The following CPLX4 variants were observed in gnomAD, a reference collection of about 807,000 sequenced individuals.
The protein encoded by CPLX4 is complexin 4.
CPLX4 carries 17 observed loss-of-function variants against 16.1 expected under a neutral mutation model. That is an observed-to-expected ratio of 1.06 (90% CI 0.72 to 1.59). The LOEUF (loss-of-function observed/expected upper bound fraction) is 1.59, where lower values mean the gene tolerates loss of function less well. Ranked by LOEUF, CPLX4 falls within the 40% of genes most tolerant of loss-of-function variation. CPLX4 has a pLI of 0.00. For missense variants in CPLX4, 193 were observed against 192.9 expected, an observed-to-expected ratio of 1.00 and a Z score of 0.00; for synonymous variants, 55 against 57.8, an observed-to-expected ratio of 0.95 and a Z score of 0.22.
intron 2 of CPLX4, among the ~76,000 whole-genome samples, chr18:59,312,132 C>T (rs562728124): frequency 1.3e-5 from 2 of 152,206 alleles, no homozygotes; most frequent in East Asian, 3.9e-4. Context: ...TTAATACATG[C>T]CAAGGTACTG....
At chr18:59,299,878 C>T (rs1436316956) in intron 2 of CPLX4, among the ~76,000 whole-genome samples, 2 of 152,222 alleles carry the variant, frequency 1.3e-5, no homozygotes, top group African/African-American at 4.8e-5. Context: ...GGGCTCGGGC[C>T]TCGCAATCTG....
rs757036745 is a variant in CPLX4 at position 59,318,645 on chromosome 18, A to C, written c.-183T>G. The C allele has an allele frequency of 1.4e-5, 16 of 1,155,834 alleles. No individual in the cohort carries two copies. Among genetic ancestry groups the C allele is most frequent in the Non-Finnish European group, 1.7e-5 (15 of 861,852 alleles). 71.6% of individuals were successfully genotyped at this position (1,155,834 alleles called of 1,614,324 possible). The stretch of plus-strand genomic sequence containing the variant: ...TAGAGAAGAGTGGTTTGTCGGCCGT[A>C]AGCTGGATTAAAGTGGTGAACTCCT... On this transcript the variant is annotated 5_prime_UTR_variant, in exon 1 of 3. Coordinates refer to ENST00000299721, the MANE Select transcript of CPLX4 (RefSeq NM_181654.4).
chr18:59,309,868 A>C (rs2070605339), intron 2 of CPLX4, among the ~76,000 whole-genome samples: 1 of 151,764 alleles, frequency 6.6e-6, no homozygotes, highest in Admixed American at 6.6e-5. Flanking sequence ...AGTAGAAAGA[A>C]CAAATGCCTT....
intron 2 of CPLX4, among the ~76,000 whole-genome samples, chr18:59,303,908 C>T (rs2070558246): frequency 6.6e-6 from 1 of 152,166 alleles, no homozygotes; most frequent in Admixed American, 6.5e-5. Flanking sequence ...TGATGGCCTT[C>T]CCACCGCCTG....
chr18:59,305,398 C>T (rs759885539), intron 2 of CPLX4, among the ~76,000 whole-genome samples: 3 of 152,068 alleles, frequency 2.0e-5, no homozygotes, highest in Non-Finnish European at 4.4e-5. Flanking sequence ...AGGAAAGAAA[C>T]AGGATCAGAT....
chr18:59,306,840 T>G lies in CPLX4; in HGVS notation c.255+5845A>C, dbSNP rs536698397. On this transcript the variant is annotated intron_variant, in intron 2 of 2. Coordinates refer to ENST00000299721, the MANE Select transcript of CPLX4 (RefSeq NM_181654.4). ...GGTGGTGACCCTGGGGAATTGTGAA[T>G]GAGGCACCCAGGGGGTCATCCCTCA... is the stretch of plus-strand genomic sequence containing the variant. Among the ~76,000 whole-genome samples the G allele has an allele frequency of 1.0e-3, 153 of 152,332 alleles. 1 individual carries two copies. Among genetic ancestry groups the G allele is most frequent in the South Asian group, 5.6e-3 (27 of 4,832 alleles).
chr18:59,310,806 TA>T (rs2070611516), intron 2 of CPLX4, among the ~76,000 whole-genome samples: 2 of 152,142 alleles, frequency 1.3e-5, no homozygotes, highest in African/African-American at 4.8e-5. Context: ...GAGACTCAGA[TA>T]TTTTTAAAAA....
At position 59,314,797 on chromosome 18, in the gene CPLX4, AC is replaced by A. The variant is rs546920217; in HGVS notation, c.168-2026del. Among the ~76,000 whole-genome samples, 1,382 of 152,262 alleles carry A rather than the reference AC, an allele frequency of 9.1e-3. 29 individuals carry two copies. The highest frequency in any genetic ancestry group is 0.031 in the African/African-American group (1,306 of 41,538). On this transcript the variant is annotated intron_variant, in intron 1 of 2. Transcript: ENST00000299721. ...AGGCTTCTTTCACTCAGCATAAAAT[AC>A]TTTCGAGATTTAACCTTGTTGTTTT...
chr18:59,311,329 G>T (rs1162470294), intron 2 of CPLX4, among the ~76,000 whole-genome samples: 2 of 152,134 alleles, frequency 1.3e-5, no homozygotes, highest in Non-Finnish European at 2.9e-5. Flanking sequence ...ATTTTATTGT[G>T]GGTTTTCCTT....
chr18:59,309,067 T>C (rs2070598232), intron 2 of CPLX4, among the ~76,000 whole-genome samples: 1 of 152,246 alleles, frequency 6.6e-6, no homozygotes, highest in Admixed American at 6.5e-5. Context: ...TTTAAACTGC[T>C]CCTTGCAGAG....
intron 1 of CPLX4, among the ~76,000 whole-genome samples, 160 bp from the exon 2 acceptor site, chr18:59,312,932 C>T (rs954691474): frequency 3.9e-5 from 6 of 152,090 alleles, no homozygotes; most frequent in Admixed American, 2.6e-4. Context: ...CAAACGTCTG[C>T]CTCTCTGTTT....
chr18:59,316,770 A>G (rs1417195704), intron 1 of CPLX4, among the ~76,000 whole-genome samples: 1 of 152,200 alleles, frequency 6.6e-6, no homozygotes, highest in Non-Finnish European at 1.5e-5. Flanking sequence ...AGTTAATCAA[A>G]TAGATGCCTT....
At chr18:59,297,680 T>C (rs994988865) in intron 2 of CPLX4, among the ~76,000 whole-genome samples, 2 of 152,236 alleles carry the variant, frequency 1.3e-5, no homozygotes, top group Non-Finnish European at 2.9e-5. Context: ...TTTGCAAGTC[T>C]TGCAGATTCT....
intron 2 of CPLX4, among the ~76,000 whole-genome samples, chr18:59,309,938 G>T (rs2070605805): frequency 6.6e-6 from 1 of 152,098 alleles, no homozygotes; most frequent in South Asian, 2.1e-4. Context: ...CATGGTTGTG[G>T]GGCCTGAGTT....
chr18:59,306,213 GA>G (rs758163615), intron 2 of CPLX4, among the ~76,000 whole-genome samples: 2 of 152,208 alleles, frequency 1.3e-5, no homozygotes, highest in Non-Finnish European at 2.9e-5. Context: ...AGGAGAAACT[GA>G]AGATACAGGA....
Position 59,304,924 on chromosome 18 carries a change from AGTGTGTGTGTGTGTGTGTGT to A in CPLX4, c.255+7741_255+7760del, listed in dbSNP as rs56041280. Among the ~76,000 whole-genome samples, 104 of 142,240 alleles carry A rather than the reference AGTGTGTGTGTGTGTGTGTGT, an allele frequency of 7.3e-4. 2 individuals carry two copies. Among genetic ancestry groups the A allele is most frequent in the Admixed American group, 5.2e-3 (74 of 14,350 alleles). 93.3% of individuals were successfully genotyped at this position (142,240 alleles called of 152,430 possible). On this transcript the variant is annotated intron_variant, in intron 2 of 2. Transcript: ENST00000299721. ...AATAACATCCATTTACTCAACAATC[AGTGTGTGTGTGTGTGTGTGT>A]GTGTGTGTGTGTGTGTGTGTGTGCA...
intron 1 of CPLX4, among the ~76,000 whole-genome samples, chr18:59,314,345 T>C (rs2070638113): frequency 6.7e-6 from 1 of 148,264 alleles, no homozygotes; most frequent in African/African-American, 2.6e-5. Flanking sequence ...GGCATCTCAC[T>C]GTACTTTTTT....
Position 59,305,804 on chromosome 18 carries a change from C to T in CPLX4, c.255+6881G>A, listed in dbSNP as rs186495989. 2.6e-5 allele frequency among the ~76,000 whole-genome samples: 4 copies of T among 152,310 alleles called. No individual in the cohort carries two copies. In the East Asian group the frequency reaches 7.7e-4, roughly 29 times the overall value. On this transcript the variant is annotated intron_variant, in intron 2 of 2. Coordinates refer to ENST00000299721, the MANE Select transcript of CPLX4 (RefSeq NM_181654.4). ...AATGGCAAGGTGCAGCCCTCGAGGA[C>T]AATGTGCAGGCTCGAGTGAGAAGAA...
intron 1 of CPLX4, among the ~76,000 whole-genome samples, chr18:59,317,008 C>G (rs1024446257): frequency 6.6e-6 from 1 of 152,118 alleles, no homozygotes; most frequent in Admixed American, 6.6e-5. Context: ...TTCTTTTGCC[C>G]AAGTCTTAGC....
Sources: allele counts gnomAD v4.1 joint callset (sites outside exome capture counted in the v4.1 genomes callset), GRCh38; gene constraint gnomAD v4.1.1; transcripts MANE v1.5; gene names NCBI Gene and HGNC (gene_info 2026-07-23, HGNC 2026-07-21).